Variants in TRPA1 observed in about 807,000 individuals in gnomAD.
TRPA1 encodes ankyrin-like with transmembrane domains 1.
Under a neutral mutation model 131.3 loss-of-function variants are expected in TRPA1, and 129 were observed. The ratio of observed to expected loss-of-function variants is 0.98; its 90% CI spans 0.85 to 1.14. The LOEUF (loss-of-function observed/expected upper bound fraction) is 1.14, where lower values mean the gene tolerates loss of function less well. Ranked by LOEUF, TRPA1 falls within the 50% of genes most tolerant of loss-of-function variation. The probability of loss-of-function intolerance (pLI) is 0.00; values close to 1 mark genes in which losing one functional copy is unlikely to be tolerated. For missense variants in TRPA1, 1,304 were observed against 1,354.2 expected, an observed-to-expected ratio of 0.96 and a Z score of 0.58; for synonymous variants, 441 against 451.7, an observed-to-expected ratio of 0.98 and a Z score of 0.30.
At chr8:72,041,822 T>G (rs13263741) in intron 17 of TRPA1, among the ~76,000 whole-genome samples, 12,931 of 151,578 alleles carry the variant, frequency 0.085, 635 homozygotes, top group Middle Eastern at 0.12. Flanking sequence ...AAGAACAGAC[T>G]AAACCTAAGA....
At chr8:72,023,291 T>C (rs995351218) in intron 26 of TRPA1, 175 bp from the exon 27 acceptor site, 3 of 722,746 alleles carry the variant, frequency 4.2e-6, no homozygotes, top group Middle Eastern at 3.8e-4. Flanking sequence ...TTAAATGATT[T>C]TTCCCAAAGT....
chr8:72,075,094 C>T (rs867548352), intron 1 of TRPA1, among the ~76,000 whole-genome samples: 8 of 152,156 alleles, frequency 5.3e-5, no homozygotes, highest in East Asian at 3.9e-4. Context: ...AGCAAGAATT[C>T]GGTTGGACAA....
chr8:72,059,372 A>G lies in TRPA1; in HGVS notation c.993+18T>C. The G allele has an allele frequency of 2.0e-6, 3 of 1,472,438 alleles. No individual in the cohort carries two copies. The highest frequency in any genetic ancestry group is 2.8e-6 in the Non-Finnish European group (3 of 1,062,648). 91.2% of individuals were successfully genotyped at this position (1,472,438 alleles called of 1,614,324 possible). A position where few individuals can be genotyped will look rare whatever the true frequency, so the allele number is the denominator to read the frequency against. Reference sequence around the variant, plus strand: ...TTATAAATAGTAATAAAAATAAACCAGTAAAAGGAATAGTTACCACTGAAA... The same window carrying G: ...TTATAAATAGTAATAAAAATAAACCGGTAAAAGGAATAGTTACCACTGAAA... On this transcript the variant is annotated intron_variant, in intron 8 of 26. Transcript: ENST00000262209.
rs777099874 is a variant in TRPA1, at chr8:72,063,486, C to G, written c.638G>C (p.Cys213Ser). 32 of 1,613,076 alleles carry G rather than the reference C, an allele frequency of 2.0e-5. No homozygotes were observed. The highest frequency in any genetic ancestry group is 2.7e-5 in the Non-Finnish European group (32 of 1,179,212). ...ACCAAACCTTAGTATTATTTCCATGCATTCTTTGGAACCTGAAAATGCAGC... is the reference window on the plus strand; with the variant it reads ...ACCAAACCTTAGTATTATTTCCATGGATTCTTTGGAACCTGAAAATGCAGC... ...HQAAFSGSKE[C>S]MEIILRFGEE... The change falls in exon 5 of 27, where the codon TGC becomes TCC. Residue 213 changes from cysteine (C) to serine (S), a missense_variant. Physicochemically the swap from Cys to Ser is moderately radical, Grantham distance 112. Transcript: ENST00000262209.
At chr8:72,070,849 A>T (rs1235846050) in intron 2 of TRPA1, among the ~76,000 whole-genome samples, 1 of 152,116 alleles carries the variant, frequency 6.6e-6, no homozygotes, top group Non-Finnish European at 1.5e-5. Context: ...TGTGTGCTGG[A>T]TATTTCCAAC....
chr8:72,053,092 T>G, intron 13 of TRPA1: 1 of 330,952 alleles, frequency 3.0e-6, no homozygotes, highest in South Asian at 2.7e-5. Context: ...ATGGGATGAT[T>G]CCACAAGGAC....
intron 13 of TRPA1, chr8:72,053,039 GA>G: frequency 2.7e-6 from 1 of 367,600 alleles, no homozygotes; most frequent in Non-Finnish European, 5.1e-6. Context: ...GAGAGAGAGA[GA>G]GAGAATGAAT....
chr8:72,077,459 T>C (rs544814689), upstream of TRPA1, among the ~76,000 whole-genome samples: 1 of 152,356 alleles, frequency 6.6e-6, no homozygotes, highest in Admixed American at 6.5e-5. Flanking sequence ...GCATGTATTC[T>C]TTTTAATTTG....
intron 23 of TRPA1, among the ~76,000 whole-genome samples, chr8:72,032,419 C>T (rs1043545456): frequency 2.0e-5 from 3 of 152,184 alleles, no homozygotes; most frequent in Admixed American, 2.0e-4. Flanking sequence ...ATTGAAAGAA[C>T]TGAGGAAAAA....
chr8:72,025,513 T>C lies in TRPA1; in HGVS notation c.3051+447A>G, dbSNP rs7010054. On this transcript the variant is annotated intron_variant, in intron 25 of 26. Coordinates refer to ENST00000262209, the MANE Select transcript of TRPA1 (RefSeq NM_007332.3). ...TTATAGCAGTGTGAAAATGGATTAA[T>C]ACATTGTATGTATAGTGTGTGTATG... 2.6e-3 allele frequency among the ~76,000 whole-genome samples: 396 copies of C among 152,330 alleles called. 4 individuals are homozygous for C. Among genetic ancestry groups the C allele is most frequent in the African/African-American group, 8.6e-3 (358 of 41,564 alleles).
intron 26 of TRPA1, 83 bp downstream of exon 26, chr8:72,023,731 A>C: frequency 2.3e-6 from 2 of 851,424 alleles, no homozygotes; most frequent in Non-Finnish European, 3.9e-6. Context: ...CAAAAACATC[A>C]ATATAAAATA....
intron 13 of TRPA1, 37 bp from the exon 14 acceptor site, chr8:72,052,802 A>T (rs747916705): frequency 3.1e-6 from 5 of 1,609,966 alleles, no homozygotes; most frequent in Admixed American, 1.7e-5. Context: ...ACGTGGTGAC[A>T]GTGTCTAATC....
At position 72,034,156 on chromosome 8, in the gene TRPA1, T is replaced by C. The variant is rs1811944296; in HGVS notation, c.2685+92A>G. The stretch of plus-strand genomic sequence containing the variant: ...GTATTTGAATACTGTTGTTATGTAA[T>C]TATGCATTTTCTAGACTATTTAGAT... On this transcript the variant is annotated intron_variant, in intron 22 of 26. Transcript: ENST00000262209. 23 of 1,264,426 alleles carry C rather than the reference T, an allele frequency of 1.8e-5. No individual in the cohort carries two copies. In the South Asian group the frequency reaches 3.1e-4, roughly 17 times the overall value. 78.3% of individuals were successfully genotyped at this position (1,264,426 alleles called of 1,614,324 possible).
intron 17 of TRPA1, among the ~76,000 whole-genome samples, chr8:72,045,717 T>C (rs944038947): frequency 4.6e-5 from 7 of 151,922 alleles, no homozygotes; most frequent in South Asian, 2.1e-4. Context: ...TAGTAGCCAC[T>C]GTCCTTTTAA....
intron 3 of TRPA1, among the ~76,000 whole-genome samples, chr8:72,067,256 AT>A (rs1166884106): frequency 1.3e-4 from 20 of 152,286 alleles, no homozygotes; most frequent in Non-Finnish European, 1.2e-4. Context: ...CGTAGAAAAG[AT>A]TGCTGTTTGC....
At position 72,052,655 on chromosome 8, in the gene TRPA1, G is replaced by A. The variant is rs1257863105; in HGVS notation, c.1755C>T (p.His585=). ...CCTTCCTCTTATTGTGAAGTGCAAGGTGCAAAAAGGAGGCCTGCTGCTTGT... is the reference window on the plus strand; with the variant it reads ...CCTTCCTCTTATTGTGAAGTGCAAGATGCAAAAAGGAGGCCTGCTGCTTGT... ...VLNKQQASFL[H]LALHNKRKEV... The change falls in exon 14 of 27, where the codon CAC becomes CAT. Residue 585 remains histidine, a synonymous_variant. Coordinates refer to ENST00000262209, the MANE Select transcript of TRPA1 (RefSeq NM_007332.3). 2 of 1,613,646 alleles carry A rather than the reference G, an allele frequency of 1.2e-6. No homozygotes were observed. Among genetic ancestry groups the A allele is most frequent in the African/African-American group, 1.3e-5 (1 of 74,870 alleles).
intron 3 of TRPA1, among the ~76,000 whole-genome samples, chr8:72,065,864 G>T (rs10104272): frequency 0.69 from 104,711 of 151,998 alleles, 37,069 homozygotes; most frequent in East Asian, 0.98. Flanking sequence ...CTGACTTGTA[G>T]TAAGTGAAGT....
intron 25 of TRPA1, among the ~76,000 whole-genome samples, chr8:72,025,722 G>A (rs1030692868): frequency 3.3e-5 from 5 of 152,134 alleles, no homozygotes; most frequent in Non-Finnish European, 7.4e-5. Context: ...GGGACAGCAC[G>A]CATTTAACAC....
intron 3 of TRPA1, among the ~76,000 whole-genome samples, chr8:72,065,823 A>G (rs1421296706): frequency 1.3e-5 from 2 of 152,206 alleles, no homozygotes; most frequent in Non-Finnish European, 2.9e-5. Flanking sequence ...AGAATTATAG[A>G]TACTAGTTAT....
Sources: allele counts gnomAD v4.1 joint callset (sites outside exome capture counted in the v4.1 genomes callset), GRCh38; gene constraint gnomAD v4.1.1; transcripts MANE v1.5; gene names NCBI Gene and HGNC (gene_info 2026-07-23, HGNC 2026-07-21).